Variants in SLC24A2 observed in about 807,000 individuals in gnomAD.
The protein encoded by SLC24A2 is sodium/potassium/calcium exchanger 2.
SLC24A2 carries 36 observed loss-of-function variants against 62.0 expected under a neutral mutation model. The observed-to-expected ratio is 0.58, with a 90% CI of 0.44 to 0.77. The LOEUF (loss-of-function observed/expected upper bound fraction) is 0.77. Among genes scored for constraint, SLC24A2 ranks in the 30% least tolerant of loss-of-function variants. The pLI is 0.00. For missense variants in SLC24A2, 846 were observed against 817.9 expected (o/e 1.03, Z -0.42); for synonymous variants, 358 against 294.0 (o/e 1.22, Z -2.23).
chr9:19,802,825 A>C, the SLC24A2 span, among the ~76,000 whole-genome samples: 6 of 152,228 alleles, frequency 3.9e-5, no homozygotes, highest in African/African-American at 1.4e-4. Flanking sequence ...TGTGTACCTC[A>C]AAACATATAT....
chr9:20,099,635 G>C, the SLC24A2 span, among the ~76,000 whole-genome samples: 1 of 151,980 alleles, frequency 6.6e-6, no homozygotes, highest in African/African-American at 2.4e-5. Context: ...ATCCTTTTCA[G>C]GCTCCTTCCA....
intron 7 of SLC24A2, among the ~76,000 whole-genome samples, chr9:19,569,649 G>A (rs148329383): frequency 1.0e-3 from 156 of 152,144 alleles, no homozygotes; most frequent in East Asian, 2.7e-3. Flanking sequence ...CTAAGACACC[G>A]TGGCGCCAGG....
rs533465932 is a variant in SLC24A2 at position 19,600,817 on chromosome 9, C to G, written c.1079-3538G>C. Among the ~76,000 whole-genome samples the G allele has an allele frequency of 2.6e-5, 4 of 152,262 alleles. No homozygotes were observed. In the East Asian group the frequency reaches 7.7e-4, roughly 29 times the overall value. On this transcript the variant is annotated intron_variant, in intron 4 of 10. Coordinates refer to ENST00000341998, the MANE Select transcript of SLC24A2 (RefSeq NM_020344.4). Reference sequence around the variant, plus strand: ...GGGACCTAGATGTGCTTTTCTGCTGCTGTCCTTTTGAGGTGGGCTGGGGAG... The same window carrying G: ...GGGACCTAGATGTGCTTTTCTGCTGGTGTCCTTTTGAGGTGGGCTGGGGAG...
the SLC24A2 span, among the ~76,000 whole-genome samples, chr9:20,064,231 A>G: frequency 6.6e-6 from 1 of 152,224 alleles, no homozygotes; most frequent in East Asian, 1.9e-4. Context: ...AAGGATACAT[A>G]CTGTATGATT....
At chr9:19,919,808 T>C in the SLC24A2 span, among the ~76,000 whole-genome samples, 1 of 152,112 alleles carries the variant, frequency 6.6e-6, no homozygotes, top group Non-Finnish European at 1.5e-5. Context: ...AAAACCATCG[T>C]ATCTCATGAA....
At chr9:19,790,449 A>G (rs1823301714), upstream of SLC24A2, among the ~76,000 whole-genome samples, 1 of 151,434 alleles carries the variant, frequency 6.6e-6, no homozygotes, top group Admixed American at 6.6e-5. Flanking sequence ...CAAGAAAACT[A>G]TCAACTACCA....
intron 5 of SLC24A2, among the ~76,000 whole-genome samples, chr9:19,587,340 G>T (rs1316718525): frequency 6.6e-6 from 1 of 152,148 alleles, no homozygotes; most frequent in Non-Finnish European, 1.5e-5. Flanking sequence ...GTATTCAGTA[G>T]TTGCCCCTAT....
Position 19,636,315 on chromosome 9 carries a change from T to TTTTCTTTCCTTTTCTTTCC in SLC24A2, c.931-14017_931-14016insGGAAAGAAAAGGAAAGAAA, listed in dbSNP as rs1818329839. Among the ~76,000 whole-genome samples, 19 of 40,316 alleles carry TTTTCTTTCCTTTTCTTTCC rather than the reference T, an allele frequency of 4.7e-4. 1 individual carries two copies. Among genetic ancestry groups the TTTTCTTTCCTTTTCTTTCC allele is most frequent in the African/African-American group, 1.5e-3 (13 of 8,650 alleles). The allele number at this position is 40,316 out of a possible 152,430, so 26.4% of individuals were successfully genotyped here. A position where few individuals can be genotyped will look rare whatever the true frequency, so the allele number is the denominator to read the frequency against. ...TTTTCTTTTCTTTTCTTTTCTTTTCTTTTCTTTCTTTCTTTCTTTCTTTCT... is the reference window on the plus strand; with the variant it reads ...TTTTCTTTTCTTTTCTTTTCTTTTCTTTTCTTTCCTTTTCTTTCCTTTCTTTCTTTCTTTCTTTCTTTCT... On this transcript the variant is annotated intron_variant, in intron 2 of 10. Coordinates refer to ENST00000341998, the MANE Select transcript of SLC24A2 (RefSeq NM_020344.4).
At chr9:20,177,485 T>C in the SLC24A2 span, among the ~76,000 whole-genome samples, 1 of 152,084 alleles carries the variant, frequency 6.6e-6, no homozygotes, top group East Asian at 1.9e-4. Context: ...CAAATGACCC[T>C]TTTTCTGAGC....
chr9:19,858,209 C>A, the SLC24A2 span, among the ~76,000 whole-genome samples: 1 of 152,086 alleles, frequency 6.6e-6, no homozygotes, highest in South Asian at 2.1e-4. Context: ...CACACACACA[C>A]AGCCATCTAA....
At chr9:20,144,490 C>A in the SLC24A2 span, among the ~76,000 whole-genome samples, 2 of 152,162 alleles carry the variant, frequency 1.3e-5, no homozygotes, top group Admixed American at 6.5e-5. Context: ...TATTTAGACT[C>A]CCGTAAAGCC....
At chr9:20,084,468 T>C in the SLC24A2 span, among the ~76,000 whole-genome samples, 39,453 of 151,462 alleles carry the variant, frequency 0.26, 6,411 homozygotes, top group East Asian at 0.72. Flanking sequence ...TCCTTCCTTC[T>C]TTTCCTTTCC....
chr9:19,519,540 T>C (rs978247504), intron 10 of SLC24A2, among the ~76,000 whole-genome samples: 5 of 152,150 alleles, frequency 3.3e-5, no homozygotes, highest in African/African-American at 1.2e-4. Context: ...ACAACTTCCT[T>C]TAAAACATAC....
intron 9 of SLC24A2, among the ~76,000 whole-genome samples, chr9:19,525,352 G>GTGTACAGT (rs1833383586): frequency 7.4e-6 from 1 of 135,166 alleles, no homozygotes; most frequent in South Asian, 2.6e-4. Flanking sequence ...TTTTTAAAAA[G>GTGTACAGT]TGTACAGTTC....
chr9:19,716,546 C>T (rs1820865773), intron 2 of SLC24A2, among the ~76,000 whole-genome samples: 1 of 152,204 alleles, frequency 6.6e-6, no homozygotes, highest in African/African-American at 2.4e-5. Flanking sequence ...ATCCTCACAT[C>T]AAATATGACT....
At chr9:19,843,616 C>T in the SLC24A2 span, among the ~76,000 whole-genome samples, 1 of 152,100 alleles carries the variant, frequency 6.6e-6, no homozygotes, top group Admixed American at 6.6e-5. Flanking sequence ...GTGATTAATT[C>T]CATCACCCAG....
the SLC24A2 span, among the ~76,000 whole-genome samples, chr9:20,192,589 C>A: frequency 6.6e-6 from 1 of 152,034 alleles, no homozygotes; most frequent in Admixed American, 6.6e-5. Flanking sequence ...ATTTTTAAAC[C>A]AGCCTCCAGG....
the SLC24A2 span, among the ~76,000 whole-genome samples, chr9:20,059,065 T>C: frequency 6.6e-6 from 1 of 152,204 alleles, no homozygotes; most frequent in African/African-American, 2.4e-5. Context: ...GGCTGAATAA[T>C]GGCATCCTAA....
the SLC24A2 span, among the ~76,000 whole-genome samples, chr9:19,833,846 C>T: frequency 0.69 from 105,159 of 152,144 alleles, 40,948 homozygotes; most frequent in Non-Finnish European, 0.88. Context: ...GGACTGACAC[C>T]TCACATGTCC....
Sources: gnomAD v4.1 joint callset for allele counts (sites outside exome capture counted in the v4.1 genomes callset) on GRCh38, gnomAD v4.1.1 for gene constraint, MANE v1.5 for transcripts, NCBI Gene and HGNC (gene_info 2026-07-23, HGNC 2026-07-21) for gene names.